The following RBFOX1 variants were observed in gnomAD, a reference collection of about 807,000 sequenced individuals.
The protein encoded by RBFOX1 is RNA binding fox-1 homolog 1, also known as RNA binding protein fox-1 homolog 1.
Under a neutral mutation model 57.7 loss-of-function variants are expected in RBFOX1, and 8 were observed. That is an observed-to-expected ratio of 0.14 (90% confidence interval 0.08 to 0.25). RBFOX1 has a LOEUF of 0.25. RBFOX1 is among the 10% of genes least tolerant of loss of function. The probability of loss-of-function intolerance (pLI) is 1.00; values close to 1 mark genes in which losing one functional copy is unlikely to be tolerated. For missense variants in RBFOX1, 611 were observed against 548.5 expected (o/e 1.11, Z -1.14); for synonymous variants, 326 against 222.4 (o/e 1.47, Z -4.15).
chr16:6,665,353 C>T (rs1160867716), intron 3 of RBFOX1, among the ~76,000 whole-genome samples: 3 of 152,184 alleles, frequency 2.0e-5, no homozygotes, highest in Non-Finnish European at 4.4e-5. Context: ...GTGGCTCACG[C>T]CTATAATGCC....
chr16:6,075,730 T>G (rs999009335), intron 1 of RBFOX1, among the ~76,000 whole-genome samples: 2 of 152,188 alleles, frequency 1.3e-5, no homozygotes, highest in African/African-American at 4.8e-5. Flanking sequence ...TTAAAATGAT[T>G]AAATCAAAGT....
chr16:7,633,524 A>G (rs1006794358), intron 11 of RBFOX1, among the ~76,000 whole-genome samples: 1 of 152,132 alleles, frequency 6.6e-6, no homozygotes, highest in Non-Finnish European at 1.5e-5. Flanking sequence ...TTTCAAAAAT[A>G]TTAAACAAAA....
At chr16:5,433,719 C>G (rs766174023) in intron 1 of RBFOX1, among the ~76,000 whole-genome samples, 5 of 152,186 alleles carry the variant, frequency 3.3e-5, no homozygotes, top group African/African-American at 4.8e-5. Flanking sequence ...ACTGCTTTCC[C>G]TCTCCTTTCC....
chr16:5,756,291 TG>T (rs1424485747), intron 3 of RBFOX1, among the ~76,000 whole-genome samples: 1 of 135,288 alleles, frequency 7.4e-6, no homozygotes, highest in East Asian at 2.3e-4. Context: ...TGAAATGCCG[TG>T]GGGTTGTAGT....
chr16:7,217,946 G>C (rs912786809), intron 4 of RBFOX1, among the ~76,000 whole-genome samples: 66 of 151,688 alleles, frequency 4.4e-4, no homozygotes, highest in Middle Eastern at 3.2e-3. Flanking sequence ...GCATGTGTGT[G>C]TGTGTGCACA....
intron 8 of RBFOX1, 134 bp from the exon 9 acceptor site, chr16:7,597,237 C>T: frequency 1.7e-6 from 1 of 582,312 alleles, no homozygotes. Context: ...CACCTACTGC[C>T]TTTTATAAAT....
chr16:7,546,896 A>G (rs1401956017), intron 5 of RBFOX1, among the ~76,000 whole-genome samples: 1 of 152,204 alleles, frequency 6.6e-6, no homozygotes, highest in Non-Finnish European at 1.5e-5. Context: ...TTTCTGTAGG[A>G]TAAATTCCCA....
chr16:7,522,685 T>C (rs1600797168), intron 5 of RBFOX1, among the ~76,000 whole-genome samples: 1 of 152,092 alleles, frequency 6.6e-6, no homozygotes, highest in Non-Finnish European at 1.5e-5. Flanking sequence ...ACAAGGTCCC[T>C]ACGTGGGGCA....
At chr16:6,850,138 C>G (rs115169997) in intron 3 of RBFOX1, among the ~76,000 whole-genome samples, 1,771 of 152,242 alleles carry the variant, frequency 0.012, 37 homozygotes, top group African/African-American at 0.04. Context: ...TTACAAGTTC[C>G]TGCACCCTAG....
chr16:5,854,995 A>G (rs1025391344), intron 3 of RBFOX1, among the ~76,000 whole-genome samples: 2 of 152,206 alleles, frequency 1.3e-5, no homozygotes, highest in Admixed American at 1.3e-4. Context: ...GCACCTTTTC[A>G]TAAGCCTGTT....
intron 1 of RBFOX1, among the ~76,000 whole-genome samples, chr16:6,278,760 T>C (rs2076089923): frequency 6.6e-6 from 1 of 152,068 alleles, no homozygotes; most frequent in South Asian, 2.1e-4. Flanking sequence ...GGGGGTTATT[T>C]TGGTTTATAT....
chr16:5,688,899 G>A (rs940804415), intron 3 of RBFOX1, among the ~76,000 whole-genome samples: 6 of 152,176 alleles, frequency 3.9e-5, no homozygotes, highest in African/African-American at 1.4e-4. Flanking sequence ...TCCTGGTATT[G>A]AGTTTCAGTC....
intron 4 of RBFOX1, among the ~76,000 whole-genome samples, chr16:6,004,149 TAACA>T (rs2060652227): frequency 6.6e-6 from 1 of 152,182 alleles, no homozygotes; most frequent in Admixed American, 6.5e-5. Context: ...TTTGCCTGTG[TAACA>T]AACCTGCACG....
chr16:7,609,541 A>G (rs151230229), intron 10 of RBFOX1, among the ~76,000 whole-genome samples: 2 of 152,290 alleles, frequency 1.3e-5, no homozygotes, highest in African/African-American at 4.8e-5. Flanking sequence ...AAGTTAGATC[A>G]TTAAGTTAGA....
At chr16:6,653,147 C>G (rs1435275350) in intron 2 of RBFOX1, among the ~76,000 whole-genome samples, 2 of 152,138 alleles carry the variant, frequency 1.3e-5, no homozygotes, top group Non-Finnish European at 2.9e-5. Flanking sequence ...GCTCATCCCC[C>G]TAACTTCCTT....
intron 11 of RBFOX1, among the ~76,000 whole-genome samples, chr16:7,631,424 C>A (rs987501556): frequency 6.6e-6 from 1 of 152,174 alleles, no homozygotes; most frequent in African/African-American, 2.4e-5. Flanking sequence ...CCTATCCTCA[C>A]CCCAATTCCC....
chr16:6,869,049 G>A (rs147190421), intron 3 of RBFOX1, among the ~76,000 whole-genome samples: 4 of 152,188 alleles, frequency 2.6e-5, no homozygotes, highest in African/African-American at 7.2e-5. Flanking sequence ...CACATGGTAC[G>A]AATGAGAAAT....
chr16:6,351,367 TATATA>T (rs1267810907), intron 2 of RBFOX1, among the ~76,000 whole-genome samples: 19 of 98,540 alleles, frequency 1.9e-4, no homozygotes, highest in African/African-American at 7.4e-4. Flanking sequence ...TATATATATA[TATATA>T]TTTTTTTTTT....
rs76939833 is a variant in RBFOX1 at position 5,774,948 on chromosome 16, G to C, written c.319-92355G>C. On this transcript the variant is annotated intron_variant, in intron 3 of 19. Transcript: ENST00000641259. ...TCCACCCACTTCGGCCTCCCAAAGT[G>C]TTGAGATTGCAGGAATGAGACATTG... Among the ~76,000 whole-genome samples the C allele has an allele frequency of 4.6e-3, 698 of 152,274 alleles. 6 individuals are homozygous for C. Among genetic ancestry groups the C allele is most frequent in the African/African-American group, 0.015 (641 of 41,554 alleles).
Sources: gnomAD v4.1 joint callset for allele counts (sites outside exome capture counted in the v4.1 genomes callset) on GRCh38, gnomAD v4.1.1 for gene constraint, MANE v1.5 for transcripts, NCBI Gene and HGNC (gene_info 2026-07-23, HGNC 2026-07-21) for gene names.